The following ZFYVE16 variants were observed in gnomAD, a reference collection of about 807,000 sequenced individuals.
ZFYVE16 encodes the protein zinc finger FYVE-type containing 16.
A neutral mutation model predicts 138.1 loss-of-function variants in ZFYVE16; 89 were observed. The ratio of observed to expected loss-of-function variants is 0.64; its 90% CI spans 0.54 to 0.77. ZFYVE16 has a LOEUF of 0.77. Ranked by LOEUF, ZFYVE16 falls within the 30% of genes least tolerant of loss-of-function variation. The pLI is 0.00. For synonymous variants in ZFYVE16, 596 were observed against 618.3 expected (o/e 0.96, Z 0.53); for missense variants, 1,793 against 1,786.7 (o/e 1.00, Z -0.06).
At chr5:80,417,464 C>T (rs1009126999) in intron 1 of ZFYVE16, among the ~76,000 whole-genome samples, 1 of 152,164 alleles carries the variant, frequency 6.6e-6, no homozygotes, top group African/African-American at 2.4e-5. Context: ...ACCATTACTA[C>T]CCTAAAAAGT....
intron 3 of ZFYVE16, among the ~76,000 whole-genome samples, chr5:80,434,535 G>A (rs954153204): frequency 6.6e-6 from 1 of 152,044 alleles, no homozygotes. Context: ...GAAGTGCAGT[G>A]GCACAATCAG....
chr5:80,448,467 T>C, intron 8 of ZFYVE16, 63 bp downstream of exon 8: 1 of 1,348,148 alleles, frequency 7.4e-7, no homozygotes, highest in Non-Finnish European at 9.6e-7. Context: ...ATTTTATCTG[T>C]GACATATGAA....
chr5:80,471,450 TGTTA>T (rs1191838297), intron 15 of ZFYVE16, among the ~76,000 whole-genome samples: 1 of 152,216 alleles, frequency 6.6e-6, no homozygotes, highest in Non-Finnish European at 1.5e-5. Flanking sequence ...ACAGATGTTA[TGTTA>T]AAGAATTACT....
At chr5:80,426,716 T>C (rs2112268667) in intron 1 of ZFYVE16, among the ~76,000 whole-genome samples, 1 of 152,350 alleles carries the variant, frequency 6.6e-6, no homozygotes, top group East Asian at 1.9e-4. Context: ...GGCATTTGGG[T>C]TGATTCCATG....
intron 15 of ZFYVE16, among the ~76,000 whole-genome samples, chr5:80,465,400 G>GTTTTTTTTTTTTTTT: frequency 0.012 from 333 of 26,778 alleles, 119 homozygotes; most frequent in Admixed American, 0.027. Context: ...CCTTTTCTTT[G>GTTTTTTTTTTTTTTT]TTTTTTTTTT....
chr5:80,471,887 C>T (rs978541460), intron 15 of ZFYVE16, among the ~76,000 whole-genome samples: 2 of 152,150 alleles, frequency 1.3e-5, no homozygotes, highest in African/African-American at 4.8e-5. Context: ...TACCGGTCCA[C>T]ACTAATTTGA....
At position 80,482,511 on chromosome 5, in the gene ZFYVE16, C is replaced by T. The variant is rs779798657; in HGVS notation, c.*5134C>T. On this transcript the variant is annotated 3_prime_UTR_variant, in exon 19 of 19. Coordinates refer to ENST00000505560, the MANE Select transcript of ZFYVE16 (RefSeq NM_001284236.3). ...TATCTGAAGAAATAATAGCTAAAAA[C>T]TTCCAAACATCTGGCAAAAAACAAA... 1 of 152,196 alleles carries T rather than the reference C, an allele frequency of 6.6e-6. No homozygotes were observed. The highest frequency in any genetic ancestry group is 1.5e-5 in the Non-Finnish European group (1 of 68,038). The allele number at this position is 152,196 out of a possible 1,614,324, so 9.4% of individuals were successfully genotyped here.
intron 15 of ZFYVE16, among the ~76,000 whole-genome samples, chr5:80,461,231 C>A (rs953061127): frequency 3.3e-5 from 5 of 152,160 alleles, no homozygotes; most frequent in Admixed American, 3.3e-4. Context: ...CAAAAAAAGT[C>A]TGAAATCTGA....
chr5:80,428,936 C>A (rs1472922476), intron 2 of ZFYVE16, among the ~76,000 whole-genome samples: 1 of 152,158 alleles, frequency 6.6e-6, no homozygotes, highest in Admixed American at 6.5e-5. Flanking sequence ...AACAAAGCCT[C>A]CAAGAAACAT....
rs1198587595 is a variant in ZFYVE16 at position 80,431,287 on chromosome 5, T to G, written c.-39-2822T>G. ...TGGGATGCAAGGCTGGTTCAACATA[T>G]GCAGATCAATAAACGTAATCCAGCA... On this transcript the variant is annotated intron_variant, in intron 2 of 18. Coordinates refer to ENST00000505560, the MANE Select transcript of ZFYVE16 (RefSeq NM_001284236.3). Among the ~76,000 whole-genome samples the G allele has an allele frequency of 2.0e-5, 3 of 152,030 alleles. No individual in the cohort carries two copies. In the East Asian group the frequency reaches 5.8e-4, roughly 29 times the overall value.
At chr5:80,421,088 T>C (rs1300181451) in intron 1 of ZFYVE16, among the ~76,000 whole-genome samples, 6 of 152,274 alleles carry the variant, frequency 3.9e-5, no homozygotes, top group Admixed American at 1.3e-4. Context: ...GCTACATAAA[T>C]GTCTTCTTTT....
Position 80,482,837 on chromosome 5 carries a change from T to G in ZFYVE16, c.*5460T>G, listed in dbSNP as rs545984835. 5 of 151,976 alleles carry G rather than the reference T, an allele frequency of 3.3e-5. No individual in the cohort carries two copies. In the South Asian group the frequency reaches 8.3e-4, roughly 25 times the overall value. 9.4% of individuals were successfully genotyped at this position (151,976 alleles called of 1,614,324 possible). On this transcript the variant is annotated 3_prime_UTR_variant, in exon 19 of 19. Coordinates refer to ENST00000505560, the MANE Select transcript of ZFYVE16 (RefSeq NM_001284236.3). Reference sequence around the variant, plus strand: ...CAAATATATTCTTTAGGAAAGAAAATGAAATAAAGACATTTTCTTTTTTTT... The same window carrying G: ...CAAATATATTCTTTAGGAAAGAAAAGGAAATAAAGACATTTTCTTTTTTTT...
Position 80,463,890 on chromosome 5 carries a change from T to G in ZFYVE16, c.4024+4396T>G, listed in dbSNP as rs376525799. 1.1e-4 allele frequency among the ~76,000 whole-genome samples: 17 copies of G among 152,318 alleles called. 1 individual carries two copies. Among genetic ancestry groups the G allele is most frequent in the African/African-American group, 3.8e-4 (16 of 41,574 alleles). On this transcript the variant is annotated intron_variant, in intron 15 of 18. Transcript: ENST00000505560. Reference sequence around the variant, plus strand: ...GGGCAGGGGCAAAATTCTGCCAGTCTCTTTGCCAAAGCATAGCAACAGTCA... The same window carrying G: ...GGGCAGGGGCAAAATTCTGCCAGTCGCTTTGCCAAAGCATAGCAACAGTCA...
chr5:80,459,614 A>G, intron 15 of ZFYVE16, 120 bp downstream of exon 15: 1 of 761,888 alleles, frequency 1.3e-6, no homozygotes, highest in South Asian at 2.2e-5. Flanking sequence ...CCACAAACTT[A>G]CATGAAATCA....
At chr5:80,457,339 C>A (rs1047937899) in intron 14 of ZFYVE16, among the ~76,000 whole-genome samples, 2 of 152,116 alleles carry the variant, frequency 1.3e-5, no homozygotes, top group East Asian at 3.8e-4. Flanking sequence ...TTAGTATATC[C>A]CGTAGGGTGA....
At chr5:80,434,690 C>T (rs1316846973) in intron 3 of ZFYVE16, among the ~76,000 whole-genome samples, 3 of 151,844 alleles carry the variant, frequency 2.0e-5, no homozygotes, top group South Asian at 2.1e-4. Context: ...AGGCTGGTCT[C>T]GAATTCCGGG....
Position 80,438,994 on chromosome 5 carries a change from G to A in ZFYVE16, c.2309G>A (p.Arg770Gln), listed in dbSNP as rs1432906991. The A allele has an allele frequency of 4.4e-6, 7 of 1,602,802 alleles. No individual in the cohort carries two copies. The highest frequency in any genetic ancestry group is 2.2e-5 in the South Asian group (2 of 89,590). The change falls in exon 4 of 19, where the codon CGA becomes CAA. Residue 770 changes from arginine (R) to glutamine (Q), a missense_variant. By Grantham distance (43) the Arg-to-Gln change is conservative. Coordinates refer to ENST00000505560, the MANE Select transcript of ZFYVE16 (RefSeq NM_001284236.3). ...TTTACCAAACGGCGACACCATTGCCGAGCATGTGGGAAAGTAAGTTATAAA... is the reference window on the plus strand; with the variant it reads ...TTTACCAAACGGCGACACCATTGCCAAGCATGTGGGAAAGTAAGTTATAAA... ...FTFTKRRHHC[R>Q]ACGKVFCGVC... is the part of the protein sequence containing the mutation.
chr5:80,435,174 A>G (rs1015673595), intron 3 of ZFYVE16, among the ~76,000 whole-genome samples: 2 of 152,188 alleles, frequency 1.3e-5, no homozygotes, highest in Non-Finnish European at 2.9e-5. Flanking sequence ...AGCTGGGACT[A>G]CAGGTGCCCA....
At chr5:80,427,604 C>A in intron 2 of ZFYVE16, 59 bp downstream of exon 2, 1 of 60,668 alleles carries the variant, frequency 1.6e-5, no homozygotes, top group East Asian at 8.7e-4. Context: ...GTGCCTCTGT[C>A]GTATGCTTTT....
Sources: allele counts gnomAD v4.1 joint callset (sites outside exome capture counted in the v4.1 genomes callset), GRCh38; gene constraint gnomAD v4.1.1; transcripts MANE v1.5; gene names NCBI Gene and HGNC (gene_info 2026-07-23, HGNC 2026-07-21).